The following USP15 variants were observed in gnomAD, a reference collection of about 807,000 sequenced individuals.
The protein encoded by USP15 is ubiquitin carboxyl-terminal hydrolase 15.
In USP15, 18 loss-of-function variants were observed where a neutral mutation model predicts 127.1. The ratio of observed to expected loss-of-function variants is 0.14; its 90% CI spans 0.10 to 0.21. USP15 has a LOEUF of 0.21. Among genes scored for constraint, USP15 ranks in the 10% least tolerant of loss-of-function variants. The pLI is 1.00. For missense variants in USP15, 805 were observed against 1,159.9 expected (o/e 0.69, Z 4.44); for synonymous variants, 364 against 393.7 (o/e 0.92, Z 0.89).
intron 9 of USP15, among the ~76,000 whole-genome samples, chr12:62,383,070 A>C: frequency 6.6e-6 from 1 of 151,920 alleles, no homozygotes; most frequent in East Asian, 1.9e-4. Flanking sequence ...GTCCCAGATA[A>C]GCTTTGTTGA....
rs113889662 is a variant in USP15, at chr12:62,347,561, G to A, written c.684-1660G>A. On this transcript the variant is annotated intron_variant, in intron 6 of 21. Coordinates refer to ENST00000280377, the MANE Select transcript of USP15 (RefSeq NM_001252078.2). ...TATAACTCAGTCTCTAATCAATTTA[G>A]ACGTTTTTTCCTAATTTAGAATTCT... 3.9e-5 allele frequency among the ~76,000 whole-genome samples: 6 copies of A among 151,902 alleles called. No individual in the cohort carries two copies. In the South Asian group the frequency reaches 1.0e-3, roughly 26 times the overall value.
rs1180010722 is a variant in USP15 at position 62,377,548 on chromosome 12, C to T, written c.916-3942C>T. 5.3e-5 allele frequency among the ~76,000 whole-genome samples: 8 copies of T among 151,786 alleles called. 1 individual carries two copies. In the South Asian group the frequency reaches 6.3e-4, roughly 12 times the overall value. ...CAGCCTGGCCAACATGGTGAAACCC[C>T]GTCTCCACTAAAAATACAAAAATTA... is the stretch of plus-strand genomic sequence containing the variant. On this transcript the variant is annotated intron_variant, in intron 8 of 21. Transcript: ENST00000280377.
intron 6 of USP15, among the ~76,000 whole-genome samples, chr12:62,332,026 G>A (rs1022853357): frequency 4.6e-5 from 7 of 152,012 alleles, no homozygotes; most frequent in African/African-American, 1.7e-4. Flanking sequence ...TTAGCCAGGG[G>A]TGGTGGCGGC....
At chr12:62,402,485 C>A (rs2067723875) in intron 21 of USP15, among the ~76,000 whole-genome samples, 1 of 152,050 alleles carries the variant, frequency 6.6e-6, no homozygotes, top group South Asian at 2.1e-4. Context: ...CAGGGAAGTT[C>A]ATGTGGTAAA....
At chr12:62,370,137 G>T (rs1396566086) in intron 8 of USP15, among the ~76,000 whole-genome samples, 1 of 152,040 alleles carries the variant, frequency 6.6e-6, no homozygotes, top group African/African-American at 2.4e-5. Context: ...ACCACTCCCG[G>T]CTAATATTTG....
chr12:62,375,810 A>G (rs376565087), intron 8 of USP15, among the ~76,000 whole-genome samples: 6 of 152,302 alleles, frequency 3.9e-5, no homozygotes, highest in African/African-American at 9.6e-5. Context: ...AGGCACAAGT[A>G]GAGAACCACA....
chr12:62,318,994 T>C (rs943127288), intron 4 of USP15, among the ~76,000 whole-genome samples: 3 of 152,202 alleles, frequency 2.0e-5, no homozygotes, highest in Non-Finnish European at 4.4e-5. Context: ...CCTTTGACCT[T>C]GAATTAGTCC....
intron 8 of USP15, among the ~76,000 whole-genome samples, chr12:62,371,294 TTCTC>T (rs1172953240): frequency 6.6e-6 from 1 of 152,214 alleles, no homozygotes; most frequent in African/African-American, 2.4e-5. Flanking sequence ...TTTTCATACT[TTCTC>T]TCTTTCTTCT....
intron 19 of USP15, among the ~76,000 whole-genome samples, chr12:62,394,303 G>A (rs1036254144): frequency 1.3e-5 from 2 of 152,092 alleles, no homozygotes; most frequent in African/African-American, 2.4e-5. Context: ...TGTGATATTT[G>A]TACACCAAAA....
At position 62,373,094 on chromosome 12, in the gene USP15, G is replaced by A. The variant is rs117081967; in HGVS notation, c.916-8396G>A. On this transcript the variant is annotated intron_variant, in intron 8 of 21. Transcript: ENST00000280377. ...TTTTGCTGGTGAAATAATTATCACA[G>A]AGACTTCCACTTTTATCTGTGTCAT... Among the ~76,000 whole-genome samples, 704 of 152,100 alleles carry A rather than the reference G, an allele frequency of 4.6e-3. 5 individuals are homozygous for A. The highest frequency in any genetic ancestry group is 6.3e-3 in the Non-Finnish European group (431 of 67,884).
intron 2 of USP15, among the ~76,000 whole-genome samples, chr12:62,298,395 G>A (rs754851195): frequency 1.3e-5 from 2 of 151,760 alleles, no homozygotes; most frequent in Non-Finnish European, 1.5e-5. Context: ...AGCCAGTCGC[G>A]ATGGCTCACA....
At chr12:62,370,132 T>C (rs2066616116) in intron 8 of USP15, among the ~76,000 whole-genome samples, 1 of 152,030 alleles carries the variant, frequency 6.6e-6, no homozygotes, top group Non-Finnish European at 1.5e-5. Flanking sequence ...GCACCACCAC[T>C]CCCGGCTAAT....
chr12:62,279,700 C>A (rs763732549), intron 1 of USP15, among the ~76,000 whole-genome samples: 1 of 151,946 alleles, frequency 6.6e-6, no homozygotes, highest in African/African-American at 2.4e-5. Flanking sequence ...TTTGATTTGC[C>A]TAATTAAGTG....
intron 11 of USP15, among the ~76,000 whole-genome samples, chr12:62,385,913 T>C (rs765253956): frequency 2.0e-5 from 3 of 152,080 alleles, no homozygotes; most frequent in Non-Finnish European, 4.4e-5. Flanking sequence ...CTACAGCACA[T>C]TTGTTAGAGA....
At chr12:62,326,013 A>G (rs2065111947) in intron 6 of USP15, 80 bp downstream of exon 6, 1 of 1,264,420 alleles carries the variant, frequency 7.9e-7, no homozygotes, top group African/African-American at 1.5e-5. Flanking sequence ...CAATGATAGA[A>G]GAACCTAGAT....
In USP15 at chr12:62,391,471, A is replaced by G. The variant is rs117152329; in HGVS notation, c.2233+42A>G. On this transcript the variant is annotated intron_variant, in intron 16 of 21. Transcript: ENST00000280377. ...AATGGCTTGAACATTAAACAAGCCG[A>G]GCATGTTATTTTTTTTTTAGGTGAA... is the stretch of plus-strand genomic sequence containing the variant. The G allele has an allele frequency of 5.1e-6, 8 of 1,570,014 alleles. No individual in the cohort carries two copies. In the Admixed American group the frequency reaches 6.5e-5, roughly 13 times the overall value.
chr12:62,353,612 G>C (rs1164447575), intron 7 of USP15, among the ~76,000 whole-genome samples: 1 of 151,868 alleles, frequency 6.6e-6, no homozygotes, highest in Non-Finnish European at 1.5e-5. Context: ...TGAAAGCCTT[G>C]CTTTTTTTAA....
intron 8 of USP15, among the ~76,000 whole-genome samples, chr12:62,358,478 G>A (rs2066208971): frequency 6.6e-6 from 1 of 152,164 alleles, no homozygotes. Context: ...ACTTTGGGAG[G>A]CCAAGGCGAG....
chr12:62,272,558 T>G (rs1592462877), intron 1 of USP15, among the ~76,000 whole-genome samples: 1 of 152,164 alleles, frequency 6.6e-6, no homozygotes, highest in East Asian at 1.9e-4. Flanking sequence ...GAACTATTTC[T>G]TAATCATTTG....
Sources: gnomAD v4.1 joint callset for allele counts (sites outside exome capture counted in the v4.1 genomes callset) on GRCh38, gnomAD v4.1.1 for gene constraint, MANE v1.5 for transcripts, NCBI Gene and HGNC (gene_info 2026-07-23, HGNC 2026-07-21) for gene names.